The following NEMF variants were observed in gnomAD, a reference collection of about 807,000 sequenced individuals.
The protein encoded by NEMF is ribosome quality control complex subunit NEMF.
Under a neutral mutation model 162.2 loss-of-function variants are expected in NEMF, and 89 were observed. The observed-to-expected ratio is 0.55, with a 90% CI of 0.46 to 0.65. The LOEUF (loss-of-function observed/expected upper bound fraction) is 0.65, where lower values mean the gene tolerates loss of function less well. Ranked by LOEUF, NEMF falls within the 30% of genes least tolerant of loss-of-function variation. The probability of loss-of-function intolerance (pLI) is 0.00; values close to 1 mark genes in which losing one functional copy is unlikely to be tolerated. For synonymous variants in NEMF, 421 were observed against 404.5 expected (o/e 1.04, Z -0.49); for missense variants, 1,133 against 1,261.9 (o/e 0.90, Z 1.55).
chr14:49,803,127 A>G, intron 20 of NEMF, 110 bp downstream of exon 20: 1 of 829,794 alleles, frequency 1.2e-6, no homozygotes, highest in Non-Finnish European at 1.9e-6. Context: ...GACTTCACAT[A>G]GGAAATCCGA....
intron 18 of NEMF, among the ~76,000 whole-genome samples, chr14:49,808,776 C>T (rs1461390269): frequency 6.6e-6 from 1 of 151,272 alleles, no homozygotes; most frequent in African/African-American, 2.4e-5. Context: ...TTGCAAAAGA[C>T]ATAGCAGATA....
intron 29 of NEMF, 74 bp from the exon 30 acceptor site, chr14:49,785,394 A>G: frequency 1.1e-6 from 1 of 942,810 alleles, no homozygotes; most frequent in Middle Eastern, 2.1e-4. Flanking sequence ...CACTTGAATT[A>G]GTATCTCAAC....
chr14:49,846,219 A>T lies in NEMF; in HGVS notation c.278T>A (p.Leu93His), dbSNP rs200217277. ...AAAATCTACAATTCTATCCACACCA[A>T]GCTGTTTTGCACTGACTAATCTCCG... ...KSRRLVSAKQ[L>H]GVDRIVDFQF... The change falls in exon 4 of 33, where the codon CTT becomes CAT. Residue 93 changes from leucine to histidine, a missense_variant. Coordinates refer to ENST00000298310, the MANE Select transcript of NEMF (RefSeq NM_004713.6). 1.1e-5 allele frequency: 17 copies of T among 1,613,804 alleles called. No homozygotes were observed. The highest frequency in any genetic ancestry group is 1.3e-5 in the Non-Finnish European group (15 of 1,179,876).
chr14:49,794,768 C>A (rs1317333556), intron 26 of NEMF, among the ~76,000 whole-genome samples: 1 of 142,282 alleles, frequency 7.0e-6, no homozygotes, highest in South Asian at 2.2e-4. Flanking sequence ...ACCCAGGCTG[C>A]GGTGCAGTGG....
intron 15 of NEMF, 43 bp downstream of exon 15, chr14:49,828,248 C>G: frequency 8.0e-7 from 1 of 1,256,414 alleles, no homozygotes; most frequent in Non-Finnish European, 1.2e-6. Flanking sequence ...TTAAATTACG[C>G]AGGCACAAAC....
At chr14:49,836,322 T>G (rs1820026854) in intron 6 of NEMF, among the ~76,000 whole-genome samples, 2 of 151,856 alleles carry the variant, frequency 1.3e-5, no homozygotes, top group Non-Finnish European at 2.9e-5. Flanking sequence ...TATGAGGCTT[T>G]TTTCATAGAA....
At position 49,849,029 on chromosome 14, in the gene NEMF, T is replaced by C. The variant is rs1055553546; in HGVS notation, c.231+2534A>G. 4.6e-5 allele frequency among the ~76,000 whole-genome samples: 7 copies of C among 152,120 alleles called. No individual in the cohort carries two copies. The South Asian group carries it at 6.2e-4, about 14-fold the overall frequency. On this transcript the variant is annotated intron_variant, in intron 3 of 32. Coordinates refer to ENST00000298310, the MANE Select transcript of NEMF (RefSeq NM_004713.6). ...AAGAAGAGTTCTTCTCCAGACCTTA[T>C]AGCCCAAATTGACTGAAATTCGCAT...
intron 3 of NEMF, among the ~76,000 whole-genome samples, chr14:49,849,008 A>G (rs940108584): frequency 3.3e-4 from 51 of 152,280 alleles, no homozygotes; most frequent in South Asian, 1.2e-3. Context: ...ATAACTAAGA[A>G]GAGTTCTTCT....
chr14:49,841,959 G>C (rs1893233942), intron 4 of NEMF, among the ~76,000 whole-genome samples: 1 of 152,016 alleles, frequency 6.6e-6, no homozygotes, highest in Non-Finnish European at 1.5e-5. Context: ...TACAAAATTA[G>C]CCAGGCATGG....
chr14:49,797,956 C>A (rs1461103445), intron 25 of NEMF, among the ~76,000 whole-genome samples: 2 of 152,154 alleles, frequency 1.3e-5, no homozygotes, highest in African/African-American at 4.8e-5. Flanking sequence ...TCTCTCACAT[C>A]CCAAAATGCG....
At chr14:49,790,657 C>T (rs1160717385) in intron 26 of NEMF, among the ~76,000 whole-genome samples, 1 of 152,110 alleles carries the variant, frequency 6.6e-6, no homozygotes, top group East Asian at 1.9e-4. Flanking sequence ...AAATTCCACT[C>T]ATATGTATAT....
intron 16 of NEMF, among the ~76,000 whole-genome samples, chr14:49,824,116 G>A (rs963952297): frequency 2.0e-5 from 3 of 152,144 alleles, no homozygotes; most frequent in African/African-American, 7.2e-5. Context: ...GTTGCAGTGA[G>A]CCAAGATCAT....
chr14:49,827,404 C>A (rs1566688538), intron 15 of NEMF, among the ~76,000 whole-genome samples: 1 of 151,702 alleles, frequency 6.6e-6, no homozygotes, highest in East Asian at 2.0e-4. Flanking sequence ...CCAGGCTGGT[C>A]TCAAACTCCT....
chr14:49,799,977 G>C (rs1890881727), intron 23 of NEMF, among the ~76,000 whole-genome samples: 1 of 152,148 alleles, frequency 6.6e-6, no homozygotes, highest in African/African-American at 2.4e-5. Flanking sequence ...CACCAAGAAG[G>C]AAACTGAAGC....
At chr14:49,819,545 G>C (rs1447505716) in intron 16 of NEMF, among the ~76,000 whole-genome samples, 2 of 151,896 alleles carry the variant, frequency 1.3e-5, no homozygotes, top group Non-Finnish European at 2.9e-5. Flanking sequence ...CTTTCAAGTA[G>C]CTGGGACTAC....
Position 49,782,736 on chromosome 14 carries a change from GAAA to G in NEMF, c.*1897_*1899del. 5 of 1,460,446 alleles carry G rather than the reference GAAA, an allele frequency of 3.4e-6. No homozygotes were observed. Among genetic ancestry groups the G allele is most frequent in the Non-Finnish European group, 3.7e-6 (4 of 1,073,562 alleles). The allele number at this position is 1,460,446 out of a possible 1,614,324, so 90.5% of individuals were successfully genotyped here. On this transcript the variant is annotated 3_prime_UTR_variant, in exon 33 of 33. Coordinates refer to ENST00000298310, the MANE Select transcript of NEMF (RefSeq NM_004713.6). The stretch of plus-strand genomic sequence containing the variant: ...ACCAGTTCCTATGAAAATCTTTGAA[GAAA>G]GAAAGAGGGATGTTTTATGTAGTTT...
In NEMF at chr14:49,844,727, G is replaced by GCACA. The variant is rs377431499; in HGVS notation, c.357+1412_357+1413insTGTG. The GCACA allele has an allele frequency of 3.4e-3, 504 of 146,562 alleles. 2 individuals carry two copies. Among genetic ancestry groups the GCACA allele is most frequent in the African/African-American group, 0.013 (459 of 35,908 alleles). 9.1% of individuals were successfully genotyped at this position (146,562 alleles called of 1,614,324 possible). On this transcript the variant is annotated intron_variant, in intron 4 of 32. Transcript: ENST00000298310. ...TATTTATATACATACACACGCACGCGCACGCGCGCGCACACACACACACAC... is the reference window on the plus strand; with the variant it reads ...TATTTATATACATACACACGCACGCGCACACACGCGCGCGCACACACACACACAC...
intron 28 of NEMF, among the ~76,000 whole-genome samples, chr14:49,788,276 CAA>C (rs35896786): frequency 1.9e-4 from 15 of 78,562 alleles, no homozygotes; most frequent in African/African-American, 1.0e-4. Context: ...AAGACTGCCT[CAA>C]AAAAAAAAAA....
chr14:49,806,232 G>GTGTGTGTGTATATATATATATATATATA (rs33975647), intron 18 of NEMF, 99 bp from the exon 19 acceptor site: 1 of 36,252 alleles, frequency 2.8e-5, no homozygotes, highest in African/African-American at 2.2e-4. Flanking sequence ...AATGATATGT[G>GTGTGTGTGTATATATATATATATATATA]TATATATATA....
Sources: allele counts gnomAD v4.1 joint callset (sites outside exome capture counted in the v4.1 genomes callset), GRCh38; gene constraint gnomAD v4.1.1; transcripts MANE v1.5; gene names NCBI Gene and HGNC (gene_info 2026-07-23, HGNC 2026-07-21).